Variants in CPD observed in about 807,000 individuals in gnomAD.
The protein encoded by CPD is metallocarboxypeptidase D.
A neutral mutation model predicts 138.3 loss-of-function variants in CPD; 69 were observed. The observed-to-expected ratio is 0.50, with a 90% CI of 0.41 to 0.61. The LOEUF (loss-of-function observed/expected upper bound fraction) is 0.61, where lower values mean the gene tolerates loss of function less well. Ranked by LOEUF, CPD falls within the 20% of genes least tolerant of loss-of-function variation. CPD has a pLI of 0.00. For missense variants in CPD, 1,432 were observed against 1,733.3 expected (o/e 0.83, Z 3.09); for synonymous variants, 651 against 642.1 (o/e 1.01, Z -0.21).
In CPD at chr17:30,464,793, A is replaced by G; in HGVS notation, c.4122A>G (p.Thr1374=). The change falls in exon 21 of 21, where the codon ACA becomes ACG. Residue 1374 remains threonine (T), a synonymous_variant. Transcript: ENST00000225719. ...FQDETDTEEE[T]LYSSKH ...ATGAAACAGACACTGAAGAGGAAACATTATATTCTAGCAAACATTGAAAAA... is the reference window on the plus strand; with the variant it reads ...ATGAAACAGACACTGAAGAGGAAACGTTATATTCTAGCAAACATTGAAAAA... 1 of 1,613,844 alleles carries G rather than the reference A, an allele frequency of 6.2e-7. No individual in the cohort carries two copies. The highest frequency in any genetic ancestry group is 8.5e-7 in the Non-Finnish European group (1 of 1,179,784).
intron 2 of CPD, among the ~76,000 whole-genome samples, chr17:30,397,113 AC>A (rs1328306501): frequency 2.0e-5 from 3 of 151,768 alleles, no homozygotes; most frequent in Non-Finnish European, 2.9e-5. Context: ...TAAGAGCATC[AC>A]CCCCAATTTT....
chr17:30,449,726 A>G lies in CPD; in HGVS notation c.3047A>G (p.Lys1016Arg). ...ALAEFLCLNY[K>R]KNPAVTQLVD... ...GCAGAATTTCTCTGCCTGAACTACAAAAAGAACCCAGCTGTTACCCAAGTA... is the reference window on the plus strand; with the variant it reads ...GCAGAATTTCTCTGCCTGAACTACAGAAAGAACCCAGCTGTTACCCAAGTA... The change falls in exon 13 of 21, where the codon AAA becomes AGA. Residue 1016 changes from lysine to arginine, a missense_variant. By Grantham distance (26) the Lys-to-Arg change is conservative (BLOSUM62 2). Coordinates refer to ENST00000225719, the MANE Select transcript of CPD (RefSeq NM_001304.5). 1 of 1,575,190 alleles carries G rather than the reference A, an allele frequency of 6.3e-7. No individual in the cohort carries two copies. Among genetic ancestry groups the G allele is most frequent in the Non-Finnish European group, 8.6e-7 (1 of 1,169,024 alleles).
At chr17:30,456,707 T>C (rs754118998) in intron 17 of CPD, 181 bp downstream of exon 17, 3 of 528,344 alleles carry the variant, frequency 5.7e-6, no homozygotes, top group Non-Finnish European at 1.0e-5. Context: ...CTGGGTGTGG[T>C]GGCAGACGCC....
chr17:30,430,053 C>G (rs1167330028), intron 7 of CPD, among the ~76,000 whole-genome samples: 1 of 152,154 alleles, frequency 6.6e-6, no homozygotes, highest in Non-Finnish European at 1.5e-5. Flanking sequence ...GTTCTGATTC[C>G]TTTCCCTGCC....
At chr17:30,404,593 C>A (rs1363341058) in intron 2 of CPD, among the ~76,000 whole-genome samples, 1 of 151,946 alleles carries the variant, frequency 6.6e-6, no homozygotes, top group African/African-American at 2.4e-5. Flanking sequence ...TAGCTATTAT[C>A]TTGGAATAAA....
intron 1 of CPD, chr17:30,380,610 A>G (rs1911014111): frequency 1.3e-6 from 2 of 1,514,828 alleles, no homozygotes; most frequent in Non-Finnish European, 1.8e-6. Context: ...AGAAATTAGT[A>G]TAAAACAAGA....
chr17:30,409,086 A>C (rs141167135), intron 2 of CPD, among the ~76,000 whole-genome samples: 1,944 of 151,140 alleles, frequency 0.013, 26 homozygotes, highest in Non-Finnish European at 0.021. Flanking sequence ...ATTTTGTCTA[A>C]GGCCTTTTCA....
intron 2 of CPD, among the ~76,000 whole-genome samples, chr17:30,411,475 C>T (rs754141538): frequency 2.6e-4 from 39 of 152,256 alleles, no homozygotes; most frequent in Non-Finnish European, 5.6e-4. Flanking sequence ...TTCCATTCTC[C>T]CCGTCACTTT....
chr17:30,419,654 AT>A (rs58660011), intron 2 of CPD, among the ~76,000 whole-genome samples: 3 of 152,294 alleles, frequency 2.0e-5, no homozygotes, highest in Admixed American at 2.0e-4. Flanking sequence ...ATCAGCATGT[AT>A]TTTTAAACAT....
intron 2 of CPD, among the ~76,000 whole-genome samples, chr17:30,407,292 T>G (rs1911826329): frequency 1.3e-5 from 2 of 152,196 alleles, no homozygotes; most frequent in Non-Finnish European, 2.9e-5. Context: ...GCATGTGTCT[T>G]TATAGTAGCA....
intron 2 of CPD, among the ~76,000 whole-genome samples, chr17:30,420,490 A>G (rs1390438368): frequency 1.3e-5 from 2 of 152,232 alleles, no homozygotes; most frequent in African/African-American, 4.8e-5. Context: ...TGCTGTAAAG[A>G]TTAAATGCTA....
intron 2 of CPD, among the ~76,000 whole-genome samples, chr17:30,406,805 GTTA>G (rs1462101419): frequency 6.6e-6 from 1 of 151,820 alleles, no homozygotes; most frequent in Non-Finnish European, 1.5e-5. Flanking sequence ...CCCTGAAATT[GTTA>G]TTATTATTTT....
Position 30,421,697 on chromosome 17 carries a change from TC to T in CPD, c.1173del (p.Ile392Ter). 6.2e-7 allele frequency: 1 copy of T among 1,613,804 alleles called. No individual in the cohort carries two copies. The highest frequency in any genetic ancestry group is 8.5e-7 in the Non-Finnish European group (1 of 1,179,798). On this transcript the variant is annotated frameshift_variant, in exon 4 of 21. Transcript: ENST00000225719. LOFTEE classifies it high-confidence loss of function. ...HIGVKGFVKDSITGSGLENAT... is the reference protein window; with the variant it reads ...HIGVKGFVKDXITGSGLENAT... Reference sequence around the variant, plus strand: ...TGGAGTGAAAGGATTTGTTAAAGATTCCATAACAGGATCTGGGTTAGAGAAT... The same window carrying T: ...TGGAGTGAAAGGATTTGTTAAAGATTCATAACAGGATCTGGGTTAGAGAAT...
At position 30,385,504 on chromosome 17, in the gene CPD, G is replaced by GCACA. The variant is rs34290313; in HGVS notation, c.994+293_994+296dup. Among the ~76,000 whole-genome samples the GCACA allele has an allele frequency of 2.0e-4, 29 of 144,448 alleles. No individual in the cohort carries two copies. In the South Asian group the frequency reaches 2.9e-3, roughly 14 times the overall value. 94.8% of individuals were successfully genotyped at this position (144,448 alleles called of 152,430 possible). ...TCTCTACATGCACGTGTATGTGCAT[G>GCACA]CACACACACACACACACACACACAC... On this transcript the variant is annotated intron_variant, in intron 2 of 20. Transcript: ENST00000225719.
At chr17:30,432,386 T>C (rs758749792) in intron 8 of CPD, among the ~76,000 whole-genome samples, 4 of 152,186 alleles carry the variant, frequency 2.6e-5, no homozygotes, top group Non-Finnish European at 5.9e-5. Context: ...GTTGGGTAGT[T>C]TCAACAAAGA....
chr17:30,385,934 TCA>T (rs1911173581), intron 2 of CPD, among the ~76,000 whole-genome samples: 1 of 151,960 alleles, frequency 6.6e-6, no homozygotes, highest in Non-Finnish European at 1.5e-5. Flanking sequence ...GCGCATTATA[TCA>T]GGAGACCCAT....
chr17:30,442,811 G>A (rs1912913316), intron 10 of CPD, among the ~76,000 whole-genome samples: 1 of 152,142 alleles, frequency 6.6e-6, no homozygotes, highest in South Asian at 2.1e-4. Context: ...TGGAGTGAAT[G>A]TTTTTATTCT....
intron 8 of CPD, among the ~76,000 whole-genome samples, chr17:30,434,868 G>A (rs896615852): frequency 1.3e-5 from 2 of 151,264 alleles, no homozygotes; most frequent in African/African-American, 2.4e-5. Context: ...ATTAAGCTAG[G>A]AATAATATTA....
intron 7 of CPD, among the ~76,000 whole-genome samples, chr17:30,430,657 G>GC (rs933526527): frequency 1.3e-5 from 2 of 151,718 alleles, no homozygotes; most frequent in African/African-American, 4.8e-5. Flanking sequence ...TTTTCCCCGT[G>GC]CCCCCCTTGT....
Sources: allele counts gnomAD v4.1 joint callset (sites outside exome capture counted in the v4.1 genomes callset), GRCh38; gene constraint gnomAD v4.1.1; transcripts MANE v1.5; gene names NCBI Gene and HGNC (gene_info 2026-07-23, HGNC 2026-07-21).